CACNA1C: variants seen among roughly 807,000 people sequenced by gnomAD.
CACNA1C encodes the protein voltage-dependent L-type calcium channel subunit alpha-1C.
A neutral mutation model predicts 229.0 loss-of-function variants in CACNA1C; 30 were observed. That is an observed-to-expected ratio of 0.13 (90% confidence interval 0.10 to 0.18). The LOEUF is 0.18. Ranked by LOEUF, CACNA1C falls within the 10% of genes least tolerant of loss-of-function variation. The pLI is 1.00. For synonymous variants in CACNA1C, 1,114 were observed against 1,132.5 expected, an observed-to-expected ratio of 0.98 and a Z score of 0.33; for missense variants, 1,658 against 2,845.0, an observed-to-expected ratio of 0.58 and a Z score of 9.49.
intron 29 of CACNA1C, among the ~76,000 whole-genome samples, chr12:2,625,926 C>G (rs1455451271): frequency 1.3e-5 from 2 of 152,104 alleles, no homozygotes; most frequent in Non-Finnish European, 2.9e-5. Context: ...ACACTGCACT[C>G]CAGCCTGGAT....
intron 3 of CACNA1C, among the ~76,000 whole-genome samples, chr12:2,135,093 T>C (rs1339504901): frequency 3.4e-5 from 5 of 147,980 alleles, no homozygotes; most frequent in South Asian, 2.1e-4. Flanking sequence ...TTCCAGTTGA[T>C]CGCATCAGCT....
chr12:2,456,995 G>T (rs562888050), intron 4 of CACNA1C, among the ~76,000 whole-genome samples: 41 of 152,310 alleles, frequency 2.7e-4, no homozygotes, highest in African/African-American at 9.1e-4. Context: ...TCTCAGTTAC[G>T]TGCACGTGTG....
At chr12:2,314,870 A>G (rs745403500) in intron 3 of CACNA1C, among the ~76,000 whole-genome samples, 1 of 152,068 alleles carries the variant, frequency 6.6e-6, no homozygotes, top group Non-Finnish European at 1.5e-5. Flanking sequence ...GTGTGTGCCT[A>G]TGTTTAGCTC....
At chr12:2,267,656 TAAG>T (rs1031875756) in intron 3 of CACNA1C, among the ~76,000 whole-genome samples, 4 of 152,134 alleles carry the variant, frequency 2.6e-5, no homozygotes, top group Non-Finnish European at 4.4e-5. Context: ...AACAGAATAA[TAAG>T]AAGGGCAAAT....
intron 30 of CACNA1C, among the ~76,000 whole-genome samples, chr12:2,642,709 A>G (rs749293702): frequency 6.6e-6 from 1 of 152,080 alleles, no homozygotes; most frequent in African/African-American, 2.4e-5. Flanking sequence ...CCTCTGGCAT[A>G]AGGAATTCTT....
chr12:2,679,873 G>A lies in CACNA1C; in HGVS notation c.5444+77G>A, dbSNP rs906518669. 29 of 1,073,364 alleles carry A rather than the reference G, an allele frequency of 2.7e-5. No homozygotes were observed. In the East Asian group the frequency reaches 2.9e-4, roughly 11 times the overall value. The allele number at this position is 1,073,364 out of a possible 1,614,324, so 66.5% of individuals were successfully genotyped here. On this transcript the variant is annotated intron_variant, in intron 42 of 46. Coordinates refer to ENST00000399655, the MANE Select transcript of CACNA1C (RefSeq NM_000719.7). This position sits in a 1 kb window ranked among gnomAD's most constrained non-coding sequence, Gnocchi z 5.5. ...ACCCTCAGGAGACAGTGGAGGAGAC[G>A]GAGGCCTCGGCCAGCCACTTGTCCC...
At chr12:2,304,390 C>T (rs917826488) in intron 3 of CACNA1C, among the ~76,000 whole-genome samples, 4 of 152,162 alleles carry the variant, frequency 2.6e-5, no homozygotes, top group South Asian at 4.1e-4. Flanking sequence ...CTCACAGCAG[C>T]GACAGCAGCA....
At chr12:2,463,112 G>T (rs11615338) in intron 5 of CACNA1C, among the ~76,000 whole-genome samples, 4 of 151,636 alleles carry the variant, frequency 2.6e-5, no homozygotes, top group African/African-American at 7.3e-5. Context: ...GGGTTTCACC[G>T]GTTAGCCAGG....
rs775255946 is a variant in CACNA1C at position 2,138,177 on chromosome 12, C to A, written c.477+17747C>A. Among the ~76,000 whole-genome samples, 6 of 151,350 alleles carry A rather than the reference C, an allele frequency of 4.0e-5. 2 individuals are homozygous for A. Among genetic ancestry groups the A allele is most frequent in the Non-Finnish European group, 7.4e-5 (5 of 67,670 alleles). On this transcript the variant is annotated intron_variant, in intron 3 of 46. Coordinates refer to ENST00000399655, the MANE Select transcript of CACNA1C (RefSeq NM_000719.7). ...CCTGGGGCAGCCTCTCTTCTCTGTG[C>A]CTTTGAGTCCTGAGGAACAAGGTCA...
chr12:2,530,991 C>T (rs546319376), intron 9 of CACNA1C, among the ~76,000 whole-genome samples: 1 of 152,346 alleles, frequency 6.6e-6, no homozygotes, highest in South Asian at 2.1e-4. Context: ...TCTTGGCCTG[C>T]ACTTGCTTTT....
At position 2,646,418 on chromosome 12, in the gene CACNA1C, C is replaced by T. The variant is rs1413261678; in HGVS notation, c.3913-2057C>T. 1.3e-5 allele frequency: 2 copies of T among 152,152 alleles called. No homozygotes were observed. Among genetic ancestry groups the T allele is most frequent in the Admixed American group, 1.3e-4 (2 of 15,290 alleles). 9.4% of individuals were successfully genotyped at this position (152,152 alleles called of 1,614,324 possible). A position where few individuals can be genotyped will look rare whatever the true frequency, so the allele number is the denominator to read the frequency against. Reference sequence around the variant, plus strand: ...GACCCAGAAGACCTTCAAGCATTTGCCCAGGGTTCTTAGAAGTGATGAGCA... The same window carrying T: ...GACCCAGAAGACCTTCAAGCATTTGTCCAGGGTTCTTAGAAGTGATGAGCA... On this transcript the variant is annotated intron_variant, in intron 30 of 46. Transcript: ENST00000399655. This position sits in a 1 kb window ranked among gnomAD's most constrained non-coding sequence, Gnocchi z 4.6.
At chr12:2,675,840 G>A (rs1234816150) in intron 39 of CACNA1C, among the ~76,000 whole-genome samples, 1 of 152,164 alleles carries the variant, frequency 6.6e-6, no homozygotes, top group African/African-American at 2.4e-5. Flanking sequence ...CAGGTCTGGA[G>A]CTACTTAATG....
rs969827331 is a variant in CACNA1C, at chr12:2,354,808, C to T, written c.478-94168C>T. On this transcript the variant is annotated intron_variant, in intron 3 of 46. Coordinates refer to ENST00000399655, the MANE Select transcript of CACNA1C (RefSeq NM_000719.7). The surrounding 1 kb of genome is among the most constrained non-coding windows in gnomAD (Gnocchi z 4.6). ...GACTTCTGGTTCCATTCTCGTTTCC[C>T]TGGGCTGCTCTCCACCTTCCAGGCT... 6.6e-6 allele frequency among the ~76,000 whole-genome samples: 1 copy of T among 152,206 alleles called. No homozygotes were observed. Among genetic ancestry groups the T allele is most frequent in the Non-Finnish European group, 1.5e-5 (1 of 68,042 alleles).
intron 39 of CACNA1C, 156 bp from the exon 40 acceptor site, chr12:2,676,938 G>T (rs1020919919): frequency 4.1e-5 from 25 of 607,818 alleles, no homozygotes; most frequent in Non-Finnish European, 6.1e-5. Context: ...CCTTTTTATG[G>T]TTTTTTTTCT....
intron 29 of CACNA1C, among the ~76,000 whole-genome samples, chr12:2,623,267 C>A (rs1032776801): frequency 6.6e-6 from 1 of 152,108 alleles, no homozygotes; most frequent in Non-Finnish European, 1.5e-5. Flanking sequence ...TCCCATCCCT[C>A]CCCTGCCGTA....
intron 3 of CACNA1C, among the ~76,000 whole-genome samples, chr12:2,266,258 C>G (rs966712750): frequency 1.1e-4 from 16 of 152,198 alleles, no homozygotes; most frequent in Non-Finnish European, 2.1e-4. Flanking sequence ...GAGAATGGGC[C>G]GGGCGGGCAG....
At chr12:2,476,440 A>G (rs2099629010) in intron 5 of CACNA1C, among the ~76,000 whole-genome samples, 1 of 152,212 alleles carries the variant, frequency 6.6e-6, no homozygotes, top group Non-Finnish European at 1.5e-5. Context: ...TATCTGTATT[A>G]AGACGGCTGG....
rs61907778 is a variant in CACNA1C at position 2,275,649 on chromosome 12, C to G, written c.477+155219C>G. 0.022 allele frequency among the ~76,000 whole-genome samples: 3,351 copies of G among 151,086 alleles called. 48 individuals are homozygous for G. The highest frequency in any genetic ancestry group is 0.034 in the Non-Finnish European group (2,295 of 68,024). ...CAGCACCACTGGATCTTTCCCCTCTCTCTGTGAGAAGACGGCCAGTCTCAG... is the reference window on the plus strand; with the variant it reads ...CAGCACCACTGGATCTTTCCCCTCTGTCTGTGAGAAGACGGCCAGTCTCAG... On this transcript the variant is annotated intron_variant, in intron 3 of 46. Transcript: ENST00000399655. The surrounding 1 kb of genome is among the most constrained non-coding windows in gnomAD (Gnocchi z 4.1).
intron 3 of CACNA1C, among the ~76,000 whole-genome samples, chr12:2,325,758 A>G (rs2096262493): frequency 6.6e-6 from 1 of 152,280 alleles, no homozygotes; most frequent in Admixed American, 6.5e-5. Context: ...GCATCAGCCC[A>G]GCCCTGGCCA....
Sources: allele counts gnomAD v4.1 joint callset (sites outside exome capture counted in the v4.1 genomes callset), GRCh38; gene constraint gnomAD v4.1.1; non-coding constraint Gnocchi (gnomAD v3.1); transcripts MANE v1.5; gene names NCBI Gene and HGNC (gene_info 2026-07-23, HGNC 2026-07-21).